MTUS2: variants seen among roughly 807,000 people sequenced by gnomAD.
MTUS2 encodes microtubule associated scaffold protein 2, also known as microtubule-associated tumor suppressor candidate 2.
MTUS2 carries 40 observed loss-of-function variants against 114.1 expected under a neutral mutation model. The ratio of observed to expected loss-of-function variants is 0.35; its 90% CI spans 0.27 to 0.46. MTUS2 has a LOEUF of 0.46. MTUS2 is among the 20% of genes least tolerant of loss of function. The pLI is 1.00. For synonymous variants in MTUS2, 688 were observed against 672.0 expected, an observed-to-expected ratio of 1.02 and a Z score of -0.37; for missense variants, 1,679 against 1,705.4, an observed-to-expected ratio of 0.98 and a Z score of 0.27.
chr13:28,875,185 G>A (rs1044430998), intron 2 of MTUS2, among the ~76,000 whole-genome samples: 1 of 151,954 alleles, frequency 6.6e-6, no homozygotes, highest in Admixed American at 6.6e-5. Context: ...GCACCAGATA[G>A]CACAGTACTT....
intron 5 of MTUS2, among the ~76,000 whole-genome samples, chr13:29,225,569 A>T (rs1269819618): frequency 6.6e-6 from 1 of 152,236 alleles, no homozygotes; most frequent in African/African-American, 2.4e-5. Flanking sequence ...AGAAAGAGAC[A>T]TCTGAATAGT....
intron 8 of MTUS2, among the ~76,000 whole-genome samples, chr13:29,372,774 A>T (rs1440953714): frequency 1.3e-5 from 2 of 152,120 alleles, no homozygotes; most frequent in Non-Finnish European, 2.9e-5. Context: ...CCTCAGAATG[A>T]CCATTACTTA....
intron 4 of MTUS2, among the ~76,000 whole-genome samples, chr13:29,089,841 A>AT (rs1404967871): frequency 6.6e-6 from 1 of 152,098 alleles, no homozygotes; most frequent in African/African-American, 2.4e-5. Flanking sequence ...CAACTGTTAG[A>AT]TTGTTTTACT....
intron 4 of MTUS2, among the ~76,000 whole-genome samples, chr13:29,055,615 A>C (rs1204649962): frequency 1.3e-5 from 2 of 152,020 alleles, no homozygotes; most frequent in Non-Finnish European, 2.9e-5. Context: ...AGAACATGCC[A>C]TGTTTGGTTA....
chr13:28,919,333 G>T (rs1403236557), intron 2 of MTUS2, among the ~76,000 whole-genome samples: 1 of 151,950 alleles, frequency 6.6e-6, no homozygotes, highest in African/African-American at 2.4e-5. Flanking sequence ...GATATTTTTT[G>T]CCAGATATAC....
Position 29,297,517 on chromosome 13 carries a change from C to T in MTUS2, c.2806+15652C>T, listed in dbSNP as rs2992394. Among the ~76,000 whole-genome samples, 807 of 152,268 alleles carry T rather than the reference C, an allele frequency of 5.3e-3. 11 individuals carry two copies. Among genetic ancestry groups the T allele is most frequent in the African/African-American group, 0.018 (767 of 41,564 alleles). On this transcript the variant is annotated intron_variant, in intron 6 of 15. Coordinates refer to ENST00000612955, the MANE Select transcript of MTUS2 (RefSeq NM_001033602.4). ...AACCTAAGCCTGTTGGCCTTTAAAA[C>T]CTATAGACCTAACTTCTGCTATTTA...
intron 2 of MTUS2, among the ~76,000 whole-genome samples, chr13:29,008,951 T>C (rs1381614416): frequency 2.6e-5 from 4 of 152,022 alleles, no homozygotes; most frequent in Non-Finnish European, 5.9e-5. Context: ...TTTTTTTTTC[T>C]GTGTATCTGT....
chr13:29,388,181 C>G (rs950282232), intron 8 of MTUS2, among the ~76,000 whole-genome samples: 1 of 152,000 alleles, frequency 6.6e-6, no homozygotes, highest in African/African-American at 2.4e-5. Context: ...TTCCAGGTCT[C>G]TTTGACCCAA....
chr13:29,309,601 A>C (rs908742177), intron 6 of MTUS2, among the ~76,000 whole-genome samples: 8 of 152,094 alleles, frequency 5.3e-5, no homozygotes, highest in African/African-American at 1.9e-4. Flanking sequence ...AAAATAATGA[A>C]ATAATATGAA....
chr13:29,436,457 A>C (rs1877416554), intron 8 of MTUS2, among the ~76,000 whole-genome samples: 1 of 152,238 alleles, frequency 6.6e-6, no homozygotes, highest in Non-Finnish European at 1.5e-5. Context: ...CCTGGACTAC[A>C]GAGAGTGTTT....
intron 2 of MTUS2, among the ~76,000 whole-genome samples, chr13:28,935,223 T>C (rs1406241818): frequency 6.6e-6 from 1 of 152,094 alleles, no homozygotes; most frequent in Non-Finnish European, 1.5e-5. Flanking sequence ...TCGGGTTGTT[T>C]CTAGGTTTTT....
chr13:29,084,604 C>G (rs1164042056), intron 4 of MTUS2, among the ~76,000 whole-genome samples: 2 of 143,310 alleles, frequency 1.4e-5, no homozygotes, highest in East Asian at 2.1e-4. Context: ...GTGATGCAAT[C>G]TCAGCTCACT....
intron 8 of MTUS2, among the ~76,000 whole-genome samples, chr13:29,412,574 T>A (rs900836786): frequency 6.6e-6 from 1 of 152,130 alleles, no homozygotes; most frequent in East Asian, 1.9e-4. Flanking sequence ...GTATAAAAAT[T>A]AGGTCATACT....
chr13:29,100,842 C>T lies in MTUS2; in HGVS notation c.2516C>T (p.Pro839Leu), dbSNP rs1261728258. 1 of 1,552,004 alleles carries T rather than the reference C, an allele frequency of 6.4e-7. No individual in the cohort carries two copies. Among genetic ancestry groups the T allele is most frequent in the Non-Finnish European group, 8.7e-7 (1 of 1,147,226 alleles). The change falls in exon 5 of 16, where the codon CCC becomes CTC. Residue 839 changes from proline (P) to leucine (L), a missense_variant. By Grantham distance (98) the Pro-to-Leu change is moderately conservative. Transcript: ENST00000612955. Reference sequence around the variant, plus strand: ...CTCCCGAAATCTGGTCTCCGTCCTCCCGGATACTCACGTCTCCCGGCAGCC... The same window carrying T: ...CTCCCGAAATCTGGTCTCCGTCCTCTCGGATACTCACGTCTCCCGGCAGCC... ...SNLPKSGLRP[P>L]GYSRLPAAKL...
At position 29,389,513 on chromosome 13, in the gene MTUS2, G is replaced by GTATA. The variant is rs1566173324; in HGVS notation, c.3117+30041_3117+30042insATAT. Among the ~76,000 whole-genome samples, 27 of 74,426 alleles carry GTATA rather than the reference G, an allele frequency of 3.6e-4. 1 individual carries two copies. Among genetic ancestry groups the GTATA allele is most frequent in the African/African-American group, 8.2e-4 (23 of 27,880 alleles). 48.8% of individuals were successfully genotyped at this position (74,426 alleles called of 152,430 possible). Reference sequence around the variant, plus strand: ...TATGTGTATATATGTATACACGTGTGTGTATGTGTATATATGTATACACGT... The same window carrying GTATA: ...TATGTGTATATATGTATACACGTGTGTATATGTATGTGTATATATGTATACACGT... On this transcript the variant is annotated intron_variant, in intron 8 of 15. Coordinates refer to ENST00000612955, the MANE Select transcript of MTUS2 (RefSeq NM_001033602.4).
chr13:29,428,290 A>C (rs1218900741), intron 8 of MTUS2, among the ~76,000 whole-genome samples: 4 of 152,254 alleles, frequency 2.6e-5, no homozygotes, highest in Non-Finnish European at 5.9e-5. Flanking sequence ...TCCCAGAAAA[A>C]TAGGAGCTAG....
intron 8 of MTUS2, among the ~76,000 whole-genome samples, chr13:29,372,639 T>C (rs1343345690): frequency 6.6e-6 from 1 of 152,232 alleles, no homozygotes; most frequent in East Asian, 1.9e-4. Context: ...CTGCTATGTT[T>C]CCCTCAAAAG....
chr13:29,110,792 T>C (rs1890852858), intron 5 of MTUS2, among the ~76,000 whole-genome samples: 1 of 152,226 alleles, frequency 6.6e-6, no homozygotes, highest in Admixed American at 6.5e-5. Context: ...AATCATATTG[T>C]TTCTCTAGAG....
Position 28,912,370 on chromosome 13 carries a change from G to T in MTUS2, c.-243+72520G>T, listed in dbSNP as rs372746609. On this transcript the variant is annotated intron_variant, in intron 2 of 15. Coordinates refer to ENST00000612955, the MANE Select transcript of MTUS2 (RefSeq NM_001033602.4). ...TCTCTATTCTGTTCCATTGATCTAT[G>T]TATCTATTCTTGTAGCAATATCATG... Among the ~76,000 whole-genome samples, 8 of 152,052 alleles carry T rather than the reference G, an allele frequency of 5.3e-5. No individual in the cohort carries two copies. The East Asian group carries it at 1.5e-3, about 29-fold the overall frequency.
Sources: gnomAD v4.1 joint callset for allele counts (sites outside exome capture counted in the v4.1 genomes callset) on GRCh38, gnomAD v4.1.1 for gene constraint, MANE v1.5 for transcripts, NCBI Gene and HGNC (gene_info 2026-07-23, HGNC 2026-07-21) for gene names.